MSLN: variants seen among roughly 807,000 people sequenced by gnomAD.
MSLN encodes CAK1 antigen.
Under a neutral mutation model 72.6 loss-of-function variants are expected in MSLN, and 82 were observed. The ratio of observed to expected loss-of-function variants is 1.13; its 90% CI spans 0.94 to 1.36. The LOEUF (loss-of-function observed/expected upper bound fraction) is 1.36, where lower values mean the gene tolerates loss of function less well. Among genes scored for constraint, MSLN ranks in the 40% most tolerant of loss-of-function variants. The probability of loss-of-function intolerance (pLI) is 0.00; values close to 1 mark genes in which losing one functional copy is unlikely to be tolerated. For synonymous variants in MSLN, 456 were observed against 387.3 expected, an observed-to-expected ratio of 1.18 and a Z score of -2.08; for missense variants, 1,005 against 847.9, an observed-to-expected ratio of 1.19 and a Z score of -2.30.
intron 2 of MSLN, among the ~76,000 whole-genome samples, chr16:761,550 G>C (rs1484240703): frequency 6.6e-6 from 1 of 152,194 alleles, no homozygotes. Context: ...GGTCCCCTGT[G>C]ATCCGATGGC....
At position 768,526 on chromosome 16, in the gene MSLN, A is replaced by G; in HGVS notation, c.1744A>G (p.Ile582Val). The change falls in exon 17 of 18, where the codon ATC (isoleucine) becomes GTC (valine). Residue 582 changes from isoleucine to valine, a missense_variant. By Grantham distance (29) the Ile-to-Val change is conservative. Coordinates refer to ENST00000545450, the MANE Select transcript of MSLN (RefSeq NM_005823.6). ...DTLGLGLQGG[I>V]PNGYLVLDLS... ...GCTGGGGCTGGGGCTACAGGGCGGC[A>G]TCCCCAACGGCTACCTGGTCCTAGA... 1.2e-6 allele frequency: 2 copies of G among 1,600,830 alleles called. No homozygotes were observed. The highest frequency in any genetic ancestry group is 8.5e-7 in the Non-Finnish European group (1 of 1,172,780).
chr16:764,569 C>A, intron 6 of MSLN, 78 bp from the exon 7 acceptor site: 1 of 1,203,214 alleles, frequency 8.3e-7, no homozygotes, highest in Non-Finnish European at 1.2e-6. Context: ...TTGTGGTGGG[C>A]AGACTGGCCA....
intron 11 of MSLN, 68 bp downstream of exon 11, chr16:765,858 A>G (rs1198086021): frequency 6.8e-7 from 1 of 1,477,032 alleles, no homozygotes; most frequent in East Asian, 2.4e-5. Context: ...GCATCACTTT[A>G]GGGTCTCACC....
chr16:764,650 C>G lies in MSLN; in HGVS notation c.304C>G (p.Arg102Gly), dbSNP rs1466241606. 1 of 1,612,178 alleles carries G rather than the reference C, an allele frequency of 6.2e-7. No individual in the cohort carries two copies. Among genetic ancestry groups the G allele is most frequent in the East Asian group, 2.2e-5 (1 of 44,872 alleles). Residue 102 changes from arginine to glycine, a missense_variant, in exon 7 of 18, where the codon CGC becomes GGC. Physicochemically the swap from Arg to Gly is moderately radical, Grantham distance 125. Coordinates refer to ENST00000545450, the MANE Select transcript of MSLN (RefSeq NM_005823.6). ...KNVKLSTEQL[R>G]CLAHRLSEPP... is the part of the protein sequence containing the mutation. ...GCTGGACTCCCTGCCCCTGCAGCTG[C>G]GCTGTCTGGCTCACCGGCTCTCTGA...
At chr16:765,364 G>A (rs1233321667) in intron 9 of MSLN, 61 bp downstream of exon 9, 7 of 1,467,814 alleles carry the variant, frequency 4.8e-6, no homozygotes, top group African/African-American at 2.8e-5. Context: ...AGCAGCGTGA[G>A]GACACTTGCG....
At chr16:767,113 C>T (rs2041625837) in intron 15 of MSLN, 101 bp downstream of exon 15, 2 of 1,558,526 alleles carry the variant, frequency 1.3e-6, no homozygotes, top group East Asian at 2.3e-5. Flanking sequence ...CGTCTGCTGC[C>T]AGGGTAACTG....
At chr16:768,619 G>A in intron 17 of MSLN, 29 bp from the exon 18 acceptor site, 3 of 1,611,352 alleles carry the variant, frequency 1.9e-6, no homozygotes, top group Non-Finnish European at 2.5e-6. Flanking sequence ...CGTGGAGGTG[G>A]GCGCTCTGAG....
chr16:766,068 G>A lies in MSLN; in HGVS notation c.905G>A (p.Cys302Tyr). The change falls in exon 12 of 18, where the codon TGT (cysteine) becomes TAT (tyrosine). Residue 302 changes from cysteine (C) to tyrosine (Y), a missense_variant. Coordinates refer to ENST00000545450, the MANE Select transcript of MSLN (RefSeq NM_005823.6). ...CCCCTGTGCCCTGCAGAGACAGCCT[G>A]TCCTTCAGGCAAGAAGGCCCGCGAG... Reference protein sequence around the residue: ...RFRREVEKTACPSGKKAREID... With the variant: ...RFRREVEKTAYPSGKKAREID... 3 of 1,609,992 alleles carry A rather than the reference G, an allele frequency of 1.9e-6. No homozygotes were observed. The East Asian group carries it at 6.7e-5, about 36-fold the overall frequency.
rs778221570 is a variant in MSLN, at chr16:764,111, G to A, written c.268G>A (p.Ala90Thr). 1 of 1,606,130 alleles carries A rather than the reference G, an allele frequency of 6.2e-7. No individual in the cohort carries two copies. Among genetic ancestry groups the A allele is most frequent in the Non-Finnish European group, 8.5e-7 (1 of 1,179,788 alleles). The stretch of plus-strand genomic sequence containing the variant: ...TGTCCGGGAGCTGGCTGTGGCCTTG[G>A]CACAGAAGAATGTCAAGCTCTCAAC... ...ERVRELAVAL[A>T]QKNVKLSTEQ... The change falls in exon 6 of 18, where the codon GCA becomes ACA. Residue 90 changes from alanine to threonine, a missense_variant. Coordinates refer to ENST00000545450, the MANE Select transcript of MSLN (RefSeq NM_005823.6).
At chr16:767,327 T>C (rs764794376) in intron 15 of MSLN, 49 bp from the exon 16 acceptor site, 2 of 1,516,404 alleles carry the variant, frequency 1.3e-6, no homozygotes, top group Non-Finnish European at 1.8e-6. Flanking sequence ...GTCAAGGGCC[T>C]GGGGGTGTGA....
rs2041606362 is a variant in MSLN at position 766,242 on chromosome 16, T to C, written c.1074+5T>C. On this transcript the variant is annotated splice_donor_5th_base_variant and intron_variant, in intron 12 of 17. Coordinates refer to ENST00000545450, the MANE Select transcript of MSLN (RefSeq NM_005823.6). Reference sequence around the variant, plus strand: ...CTAAAGCATAAACTGGATGAGGTAGTTCATGACTCAAGTTCCCACCGGCCT... The same window carrying C: ...CTAAAGCATAAACTGGATGAGGTAGCTCATGACTCAAGTTCCCACCGGCCT... 3.7e-6 allele frequency: 6 copies of C among 1,608,622 alleles called. No individual in the cohort carries two copies. The highest frequency in any genetic ancestry group is 5.1e-6 in the Non-Finnish European group (6 of 1,176,408).
At chr16:766,586 A>AG in intron 13 of MSLN, 82 bp from the exon 14 acceptor site, 1 of 1,608,908 alleles carries the variant, frequency 6.2e-7, no homozygotes, top group East Asian at 2.2e-5. Context: ...GCCTGGGGTC[A>AG]GGGGCACGGC....
intron 3 of MSLN, 120 bp downstream of exon 3, chr16:762,885 C>T (rs2041554237): frequency 1.1e-5 from 9 of 789,398 alleles, no homozygotes; most frequent in Non-Finnish European, 1.6e-5. Context: ...GTGGCCACGT[C>T]TCAGCAGCAG....
chr16:765,257 C>A lies in MSLN; in HGVS notation c.658C>A (p.Gln220Lys). ...CCCGGGACCCCTGGACCAGGACCAG[C>A]AGGAGGCAGCCAGGGCGGCTCTGCA... ...SCPGPLDQDQ[Q>K]EAARAALQGG... The change falls in exon 9 of 18, where the codon CAG becomes AAG. Residue 220 changes from glutamine to lysine, a missense_variant. Transcript: ENST00000545450. 6.3e-7 allele frequency: 1 copy of A among 1,585,110 alleles called. No homozygotes were observed. The highest frequency in any genetic ancestry group is 1.1e-5 in the South Asian group (1 of 88,750).
intron 2 of MSLN, among the ~76,000 whole-genome samples, chr16:761,596 T>C (rs941471625): frequency 2.6e-5 from 4 of 151,664 alleles, no homozygotes; most frequent in Non-Finnish European, 5.9e-5. Context: ...CCCCAAGGGC[T>C]GGGGGTCCCA....
Position 766,663 on chromosome 16 carries a change from C to T in MSLN, c.1231-5C>T. On this transcript the variant is annotated splice_region_variant and splice_polypyrimidine_tract_variant and intron_variant, in intron 13 of 17. Coordinates refer to ENST00000545450, the MANE Select transcript of MSLN (RefSeq NM_005823.6). ...CACAAGGCTCCTCGGCGGCCCCTCC[C>T]ACAGGTGGCCACCCTGATCGACCGC... The T allele has an allele frequency of 6.2e-7, 1 of 1,612,412 alleles. No homozygotes were observed. Among genetic ancestry groups the T allele is most frequent in the Non-Finnish European group, 8.5e-7 (1 of 1,179,838 alleles).
intron 11 of MSLN, 100 bp from the exon 12 acceptor site, chr16:765,958 GA>G: frequency 7.3e-7 from 1 of 1,379,130 alleles, no homozygotes; most frequent in Non-Finnish European, 9.8e-7. Flanking sequence ...GAGGCACAGG[GA>G]GGGTCACAAA....
rs112462618 is a variant in MSLN, at chr16:766,742, C to T, written c.1305C>T (p.Ala435=). The change falls in exon 14 of 18, where the codon GCC becomes GCT. Residue 435 remains alanine (A), a synonymous_variant. Transcript: ENST00000545450. The part of the protein sequence containing the change: ...LDKDTLDTLT[A]FYPGYLCSLS... ...AAGACACCCTAGACACCCTGACCGC[C>T]TTCTACCCTGGGTACCTGTGCTCCC... 1.4e-3 allele frequency: 2,194 copies of T among 1,612,668 alleles called. 32 individuals carry two copies. The highest frequency in any genetic ancestry group is 0.01 in the Middle Eastern group (61 of 6,060).
rs2041532051 is a variant in MSLN at position 761,163 on chromosome 16, T to G, written c.-21T>G. ...TACCGGTGGACCCACGGTGCCTCCC[T>G]CCCTGGGATCTGTAAGTAACAACCT... On this transcript the variant is annotated 5_prime_UTR_variant, in exon 2 of 18. Coordinates refer to ENST00000545450, the MANE Select transcript of MSLN (RefSeq NM_005823.6). 1.3e-5 allele frequency: 2 copies of G among 152,278 alleles called. No individual in the cohort carries two copies. The allele number at this position is 152,278 out of a possible 1,614,324, so 9.4% of individuals were successfully genotyped here.
Sources: allele counts gnomAD v4.1 joint callset (sites outside exome capture counted in the v4.1 genomes callset), GRCh38; gene constraint gnomAD v4.1.1; transcripts MANE v1.5; gene names NCBI Gene and HGNC (gene_info 2026-07-23, HGNC 2026-07-21).